Variants in GPR19 observed in about 807,000 individuals in gnomAD.
GPR19 encodes the protein G protein-coupled receptor 19, also known as probable G protein-coupled receptor 19.
Under a neutral mutation model 28.5 loss-of-function variants are expected in GPR19, and 14 were observed. The observed-to-expected ratio is 0.49, with a 90% CI of 0.32 to 0.77. The LOEUF (loss-of-function observed/expected upper bound fraction) is 0.77. Among genes scored for constraint, GPR19 ranks in the 30% least tolerant of loss-of-function variants. GPR19 has a pLI of 0.03. For missense variants in GPR19, 409 were observed against 504.1 expected (o/e 0.81, Z 1.81); for synonymous variants, 173 against 184.1 (o/e 0.94, Z 0.49).
At chr12:12,685,324 C>A (rs1946080053) in intron 2 of GPR19, among the ~76,000 whole-genome samples, 2 of 151,268 alleles carry the variant, frequency 1.3e-5, no homozygotes, top group Non-Finnish European at 2.9e-5. Flanking sequence ...ACTGCATGCC[C>A]AAATATCTAT....
At chr12:12,679,714 C>T (rs1032061638) in intron 3 of GPR19, among the ~76,000 whole-genome samples, 6 of 151,702 alleles carry the variant, frequency 4.0e-5, no homozygotes, top group East Asian at 1.9e-4. Context: ...ACCCCCACCA[C>T]GACAAAGAAT....
intron 2 of GPR19, among the ~76,000 whole-genome samples, chr12:12,692,005 T>C (rs1455195048): frequency 6.6e-6 from 1 of 152,214 alleles, no homozygotes; most frequent in Non-Finnish European, 1.5e-5. Context: ...CCTTCTGTAG[T>C]AGATTTAACA....
intron 2 of GPR19, among the ~76,000 whole-genome samples, chr12:12,690,058 C>G (rs1042501858): frequency 6.6e-6 from 1 of 152,228 alleles, no homozygotes; most frequent in Non-Finnish European, 1.5e-5. Context: ...AAGCTGTTCC[C>G]AAATTCCTGA....
intron 2 of GPR19, among the ~76,000 whole-genome samples, chr12:12,692,474 C>G (rs1946197673): frequency 6.6e-6 from 1 of 151,950 alleles, no homozygotes; most frequent in Non-Finnish European, 1.5e-5. Flanking sequence ...CTTAAGCGAT[C>G]CTTCTGCTTT....
chr12:12,675,196 A>G (rs7959904), intron 3 of GPR19, among the ~76,000 whole-genome samples: 25,707 of 152,096 alleles, frequency 0.17, 2,484 homozygotes, highest in Admixed American at 0.27. Flanking sequence ...GTTTTTTTAT[A>G]GACAAAAGAA....
intron 3 of GPR19, among the ~76,000 whole-genome samples, chr12:12,672,693 G>T (rs1945871652): frequency 6.6e-6 from 1 of 151,950 alleles, no homozygotes; most frequent in Non-Finnish European, 1.5e-5. Context: ...GTTGCAGTGA[G>T]CCAAGATTGT....
At chr12:12,677,190 T>C (rs1028895211) in intron 3 of GPR19, among the ~76,000 whole-genome samples, 107 of 151,834 alleles carry the variant, frequency 7.0e-4, no homozygotes, top group Non-Finnish European at 2.6e-4. Context: ...TTCAAGTTTA[T>C]GAAGCAGATG....
intron 3 of GPR19, among the ~76,000 whole-genome samples, chr12:12,681,002 T>C (rs1946010362): frequency 6.6e-6 from 1 of 152,182 alleles, no homozygotes; most frequent in Non-Finnish European, 1.5e-5. Context: ...GGTCTCCCTA[T>C]GTTTAGGCTG....
At chr12:12,666,215 C>T (rs1164060008) in intron 3 of GPR19, among the ~76,000 whole-genome samples, 1 of 152,076 alleles carries the variant, frequency 6.6e-6, no homozygotes, top group Non-Finnish European at 1.5e-5. Flanking sequence ...TTCTAAATGC[C>T]CTACAATCAA....
rs549306131 is a variant in GPR19 at position 12,678,222 on chromosome 12, C to T, written c.-23+6129G>A. 2.6e-5 allele frequency among the ~76,000 whole-genome samples: 4 copies of T among 151,946 alleles called. No homozygotes were observed. The South Asian group carries it at 6.2e-4, about 24-fold the overall frequency. On this transcript the variant is annotated intron_variant, in intron 3 of 3. Transcript: ENST00000651487. ...AATTCTAGGAGCTCGACCTGTAATT[C>T]CAACCCTTTAATCTCCATCTAAGAA... is the stretch of plus-strand genomic sequence containing the variant.
Position 12,661,723 on chromosome 12 carries a change from A to G in GPR19, c.726T>C (p.Phe242=), listed in dbSNP as rs1296247750. ...FVIPSVLIIL[F]YQKVIKYIWR... Reference sequence around the variant, plus strand: ...AAATATATTTTATGACCTTTTGGTAAAATAAAATTATGAGGACAGATGGAA... The same window carrying G: ...AAATATATTTTATGACCTTTTGGTAGAATAAAATTATGAGGACAGATGGAA... Residue 242 remains phenylalanine (F), a synonymous_variant, in exon 4 of 4, where the codon TTT becomes TTC. Transcript: ENST00000651487. The surrounding 1 kb of genome is among the most constrained non-coding windows in gnomAD (Gnocchi z 4.2). 6.2e-7 allele frequency: 1 copy of G among 1,614,046 alleles called. No individual in the cohort carries two copies. Among genetic ancestry groups the G allele is most frequent in the Non-Finnish European group, 8.5e-7 (1 of 1,180,004 alleles).
chr12:12,662,598 AGCGTTG>A lies in GPR19; in HGVS notation c.-22-134_-22-129del, dbSNP rs1945696529. The A allele has an allele frequency of 3.9e-6, 3 of 773,728 alleles. No individual in the cohort carries two copies. The Admixed American group carries it at 8.6e-5, about 22-fold the overall frequency. 47.9% of individuals were successfully genotyped at this position (773,728 alleles called of 1,614,324 possible). A position where few individuals can be genotyped will look rare whatever the true frequency, so the allele number is the denominator to read the frequency against. Reference sequence around the variant, plus strand: ...GTCATTTGTCTTTGTGTAGGACTTGAGCGTTGGCAGGAAAACATAACTACTATCCAG... The same window carrying A: ...GTCATTTGTCTTTGTGTAGGACTTGAGCAGGAAAACATAACTACTATCCAG... On this transcript the variant is annotated intron_variant, in intron 3 of 3. Transcript: ENST00000651487.
intron 2 of GPR19, among the ~76,000 whole-genome samples, chr12:12,694,590 T>C (rs1016435129): frequency 4.6e-5 from 7 of 152,148 alleles, no homozygotes; most frequent in Non-Finnish European, 1.5e-5. Flanking sequence ...ATAGGTGGCA[T>C]GTACTTTACA....
intron 3 of GPR19, among the ~76,000 whole-genome samples, chr12:12,672,904 C>T (rs990833697): frequency 3.3e-5 from 5 of 152,188 alleles, no homozygotes; most frequent in African/African-American, 1.2e-4. Context: ...ATTATAATAA[C>T]TAGACAGACA....
At position 12,661,211 on chromosome 12, in the gene GPR19, G is replaced by C; in HGVS notation, c.1238C>G (p.Thr413Ser). 1 of 1,602,760 alleles carries C rather than the reference G, an allele frequency of 6.2e-7. No homozygotes were observed. Among genetic ancestry groups the C allele is most frequent in the Non-Finnish European group, 8.5e-7 (1 of 1,174,702 alleles). Residue 413 changes from threonine (T) to serine (S), a missense_variant, in exon 4 of 4, where the codon ACT becomes AGT. Thr to Ser is a moderately conservative substitution (Grantham distance 58). Coordinates refer to ENST00000651487, the MANE Select transcript of GPR19 (RefSeq NM_006143.3). This position sits in a 1 kb window ranked among gnomAD's most constrained non-coding sequence, Gnocchi z 4.2. The stretch of plus-strand genomic sequence containing the variant: ...TGAAAGAATGAGAACTTAGACAAAA[G>C]TATTTGGTGGATTTGAGTTAATGGG... Reference protein sequence around the residue: ...AWPINSNPPNTFV With the variant: ...AWPINSNPPNSFV
chr12:12,697,019 T>A (rs898663196), upstream of GPR19, among the ~76,000 whole-genome samples: 3 of 151,852 alleles, frequency 2.0e-5, no homozygotes, highest in African/African-American at 7.3e-5. Flanking sequence ...AACTCATAGG[T>A]GGCATTTAGT....
At chr12:12,664,988 A>T (rs1232024104) in intron 3 of GPR19, among the ~76,000 whole-genome samples, 3 of 151,140 alleles carry the variant, frequency 2.0e-5, no homozygotes, top group East Asian at 3.9e-4. Flanking sequence ...TGTCCTAGAA[A>T]ATCTGGACTG....
At chr12:12,684,758 A>T (rs1381286998) in intron 2 of GPR19, 1 of 152,186 alleles carries the variant, frequency 6.6e-6, no homozygotes, top group Admixed American at 6.5e-5. Flanking sequence ...TCCATATGAA[A>T]AGGGGAAGAT....
chr12:12,688,040 C>T (rs2050829364), intron 2 of GPR19, among the ~76,000 whole-genome samples: 1 of 152,078 alleles, frequency 6.6e-6, no homozygotes. Flanking sequence ...TTTTTGCAAC[C>T]CCCAGTGAAA....
Sources: gnomAD v4.1 joint callset for allele counts (sites outside exome capture counted in the v4.1 genomes callset) on GRCh38, gnomAD v4.1.1 for gene constraint, Gnocchi (gnomAD v3.1) non-coding constraint, MANE v1.5 for transcripts, NCBI Gene and HGNC (gene_info 2026-07-23, HGNC 2026-07-21) for gene names.